The following DEPTOR variants were observed in gnomAD, a reference collection of about 807,000 sequenced individuals.
The protein encoded by DEPTOR is DEP domain containing MTOR interacting protein, also known as DEP domain-containing mTOR-interacting protein.
Under a neutral mutation model 41.6 loss-of-function variants are expected in DEPTOR, and 41 were observed. The ratio of observed to expected loss-of-function variants is 0.98; its 90% confidence interval spans 0.77 to 1.28. The LOEUF is 1.28. Among genes scored for constraint, DEPTOR ranks in the 50% most tolerant of loss-of-function variants. The pLI is 0.00. For missense variants in DEPTOR, 514 were observed against 527.9 expected (o/e 0.97, Z 0.26); for synonymous variants, 195 against 192.3 (o/e 1.01, Z -0.12).
At chr8:120,045,506 G>A (rs1385911574) in intron 8 of DEPTOR, among the ~76,000 whole-genome samples, 1 of 152,084 alleles carries the variant, frequency 6.6e-6, no homozygotes, top group Non-Finnish European at 1.5e-5. Context: ...AAGTAGCTGG[G>A]ACTACTGGCG....
At chr8:119,976,033 T>G (rs1174658782) in intron 4 of DEPTOR, among the ~76,000 whole-genome samples, 2 of 151,892 alleles carry the variant, frequency 1.3e-5, no homozygotes, top group African/African-American at 4.8e-5. Context: ...GGCTAATTTT[T>G]GTATTTTTAA....
intron 4 of DEPTOR, among the ~76,000 whole-genome samples, chr8:119,995,185 A>G (rs971593294): frequency 1.3e-5 from 2 of 152,220 alleles, no homozygotes; most frequent in African/African-American, 4.8e-5. Flanking sequence ...AATATATTCA[A>G]AAAATTGAAC....
At chr8:119,893,003 G>T (rs1472113517) in intron 1 of DEPTOR, among the ~76,000 whole-genome samples, 1 of 151,988 alleles carries the variant, frequency 6.6e-6, no homozygotes, top group African/African-American at 2.4e-5. Flanking sequence ...GGCTGGTCTC[G>T]AACTCCTGTT....
At chr8:119,920,032 A>G (rs904119309) in intron 1 of DEPTOR, among the ~76,000 whole-genome samples, 1 of 152,300 alleles carries the variant, frequency 6.6e-6, no homozygotes, top group Admixed American at 6.5e-5. Flanking sequence ...GGAATAGAAC[A>G]TTACAGAATC....
chr8:119,964,075 G>A (rs1027729602), intron 3 of DEPTOR, among the ~76,000 whole-genome samples: 1 of 152,164 alleles, frequency 6.6e-6, no homozygotes, highest in African/African-American at 2.4e-5. Flanking sequence ...CAAGAGCAGA[G>A]AGAGAGAAAG....
intron 3 of DEPTOR, among the ~76,000 whole-genome samples, chr8:119,940,348 A>G (rs1236852844): frequency 6.6e-6 from 1 of 152,254 alleles, no homozygotes; most frequent in Non-Finnish European, 1.5e-5. Flanking sequence ...TCTAAACAGC[A>G]TTATACAGAA....
At chr8:120,037,313 C>A (rs1201993543) in intron 8 of DEPTOR, among the ~76,000 whole-genome samples, 3 of 152,118 alleles carry the variant, frequency 2.0e-5, no homozygotes, top group African/African-American at 7.2e-5. Flanking sequence ...TTCTAACTTG[C>A]CCAAAGTCAT....
At chr8:119,984,628 A>G (rs952368179) in intron 4 of DEPTOR, among the ~76,000 whole-genome samples, 29 of 152,160 alleles carry the variant, frequency 1.9e-4, no homozygotes, top group Admixed American at 1.9e-3. Context: ...ATAGTATTCC[A>G]TGGTGTATAT....
rs1827993692 is a variant in DEPTOR, at chr8:119,928,568, T to C, written c.291T>C (p.Ile97=). Residue 97 remains isoleucine, a synonymous_variant, in exon 2 of 9, where the codon ATT becomes ATC. Transcript: ENST00000286234. Reference sequence around the variant, plus strand: ...TGCAGAAATTAGCAGACCGGGGCATTATTCACCATGGTGAGTGCGGTGGCG... The same window carrying C: ...TGCAGAAATTAGCAGACCGGGGCATCATTCACCATGGTGAGTGCGGTGGCG... ...KLMQKLADRG[I]IHHVCDEHKE... The C allele has an allele frequency of 6.2e-7, 1 of 1,613,942 alleles. No homozygotes were observed. Among genetic ancestry groups the C allele is most frequent in the Non-Finnish European group, 8.5e-7 (1 of 1,179,970 alleles).
chr8:119,988,295 G>A (rs1828855138), intron 4 of DEPTOR, among the ~76,000 whole-genome samples: 1 of 152,296 alleles, frequency 6.6e-6, no homozygotes, highest in Admixed American at 6.5e-5. Context: ...CTTCCTGGGT[G>A]AGGCAATGTC....
chr8:119,957,715 T>G (rs1372880735), intron 3 of DEPTOR, among the ~76,000 whole-genome samples: 2 of 151,782 alleles, frequency 1.3e-5, no homozygotes, highest in African/African-American at 4.8e-5. Context: ...CAGCCTCCCA[T>G]GTAGCTGGAA....
Position 120,049,651 on chromosome 8 carries a change from C to T in DEPTOR, c.1177C>T (p.Leu393=). Residue 393 remains leucine, a synonymous_variant, in exon 9 of 9, where the codon CTG becomes TTG. Transcript: ENST00000286234. ...CTACCGGACCGTGAGCAATCTGATT[C>T]TGACGGGCCCACGGACGATTGTCAT... is the stretch of plus-strand genomic sequence containing the variant. ...VDYRTVSNLI[L]TGPRTIVMEV... 1 of 1,614,040 alleles carries T rather than the reference C, an allele frequency of 6.2e-7. No homozygotes were observed. Among genetic ancestry groups the T allele is most frequent in the African/African-American group, 1.3e-5 (1 of 75,050 alleles).
intron 3 of DEPTOR, among the ~76,000 whole-genome samples, chr8:119,931,662 T>G (rs904582719): frequency 6.6e-6 from 1 of 152,200 alleles, no homozygotes; most frequent in African/African-American, 2.4e-5. Context: ...CTACTATCAC[T>G]TGCTTTCTAT....
chr8:119,957,299 AC>A (rs1237480777), intron 3 of DEPTOR, among the ~76,000 whole-genome samples: 1 of 152,160 alleles, frequency 6.6e-6, no homozygotes, highest in Non-Finnish European at 1.5e-5. Flanking sequence ...CTAGGAAAAA[AC>A]TGTGAACCAC....
chr8:119,971,610 G>A (rs1464278), intron 4 of DEPTOR, among the ~76,000 whole-genome samples: 83,548 of 152,010 alleles, frequency 0.55, 23,970 homozygotes, highest in Middle Eastern at 0.71. Flanking sequence ...TTCTTCTTTG[G>A]CAGGTCCAGA....
At chr8:119,889,629 GGGAAGGGGAGGGGAGGGGA>G (rs1827423158) in intron 1 of DEPTOR, among the ~76,000 whole-genome samples, 1 of 45,652 alleles carries the variant, frequency 2.2e-5, no homozygotes, top group Non-Finnish European at 5.5e-5. Context: ...GGGGAGGGAA[GGGAAGGGGAGGGGAGGGGA>G]GGATGGGGAG....
intron 6 of DEPTOR, among the ~76,000 whole-genome samples, chr8:120,003,726 C>G (rs138683934): frequency 2.6e-5 from 4 of 152,298 alleles, no homozygotes; most frequent in Admixed American, 1.3e-4. Context: ...GTTTCAAAAT[C>G]TGCTCATCAA....
At position 119,950,478 on chromosome 8, in the gene DEPTOR, C is replaced by T. The variant is rs139053098; in HGVS notation, c.426-14754C>T. Among the ~76,000 whole-genome samples the T allele has an allele frequency of 5.7e-3, 874 of 152,120 alleles. 11 individuals are homozygous for T. The highest frequency in any genetic ancestry group is 0.02 in the African/African-American group (814 of 41,494). ...TTGCCCAGGCTGGACTGCAGTGGTG[C>T]GATCTCAGCTCACTGCAGCCTTCAC... On this transcript the variant is annotated intron_variant, in intron 3 of 8. Coordinates refer to ENST00000286234, the MANE Select transcript of DEPTOR (RefSeq NM_022783.4).
chr8:119,974,115 C>A (rs894737802), intron 4 of DEPTOR, among the ~76,000 whole-genome samples: 1 of 150,218 alleles, frequency 6.7e-6, no homozygotes. Flanking sequence ...AAAGAAGGTA[C>A]TAACTGGGTG....
Sources: allele counts gnomAD v4.1 joint callset (sites outside exome capture counted in the v4.1 genomes callset), GRCh38; gene constraint gnomAD v4.1.1; transcripts MANE v1.5; gene names NCBI Gene and HGNC (gene_info 2026-07-23, HGNC 2026-07-21).